Variants in RAG2 observed in about 807,000 individuals in gnomAD.
RAG2 encodes V(D)J recombination-activating protein 2.
RAG2 carries 16 observed loss-of-function variants against 31.8 expected under a neutral mutation model. The ratio of observed to expected loss-of-function variants is 0.50; its 90% confidence interval spans 0.34 to 0.76. RAG2 has a LOEUF of 0.76. Among genes scored for constraint, RAG2 ranks in the 30% least tolerant of loss-of-function variants. The pLI is 0.01. For synonymous variants in RAG2, 199 were observed against 215.9 expected, an observed-to-expected ratio of 0.92 and a Z score of 0.68; for missense variants, 622 against 628.5, an observed-to-expected ratio of 0.99 and a Z score of 0.11.
In RAG2 at chr11:36,592,812, A is replaced by T. The variant is rs1564995627; in HGVS notation, c.1357T>A (p.Trp453Arg). 2.5e-6 allele frequency: 4 copies of T among 1,614,148 alleles called. No homozygotes were observed. Among genetic ancestry groups the T allele is most frequent in the Non-Finnish European group, 3.4e-6 (4 of 1,180,024 alleles). ...AGATCCATGCACTGAGCATGGACCC[A>T]GTGCCCATCCCCATGAGAGCAGTAG... The part of the protein sequence containing the change: ...MIYCSHGDGH[W>R]VHAQCMDLAE... The change falls in exon 2 of 2, where the codon TGG becomes AGG. Residue 453 changes from tryptophan to arginine, a missense_variant. Coordinates refer to ENST00000311485, the MANE Select transcript of RAG2 (RefSeq NM_000536.4).
At chr11:36,591,197 A>C (rs932638563), downstream of RAG2, among the ~76,000 whole-genome samples, 26 of 152,222 alleles carry the variant, frequency 1.7e-4, no homozygotes, top group Admixed American at 6.5e-5. Flanking sequence ...AACAGAGTGA[A>C]TATGATTCAG....
At chr11:36,594,417 C>T (rs751877215) in intron 1 of RAG2, 288 of 539,270 alleles carry the variant, frequency 5.3e-4, no homozygotes, top group Non-Finnish European at 8.0e-4. Context: ...CTATATGCTC[C>T]CTAGGATTTC....
intron 1 of RAG2, among the ~76,000 whole-genome samples, chr11:36,595,714 A>G (rs1354622985): frequency 1.3e-5 from 2 of 152,280 alleles, no homozygotes; most frequent in Admixed American, 6.5e-5. Flanking sequence ...ATAGTTGAAT[A>G]TACGTAAAGT....
chr11:36,592,717 T>C lies in RAG2; in HGVS notation c.1452A>G (p.Ile484Met). Residue 484 changes from isoleucine to methionine, a missense_variant, in exon 2 of 2, where the codon ATA becomes ATG. By Grantham distance (10) the Ile-to-Met change is conservative (BLOSUM62 1). Coordinates refer to ENST00000311485, the MANE Select transcript of RAG2 (RefSeq NM_000536.4). ...NKYYCNEHVE[I>M]ARALHTPQRV... is the part of the protein sequence containing the mutation. The stretch of plus-strand genomic sequence containing the variant: ...TTTGGGGAGTGTGTAGAGCTCTTGC[T>C]ATCTCCACATGCTCATTGCAGTAAT... 1 of 1,609,590 alleles carries C rather than the reference T, an allele frequency of 6.2e-7. No homozygotes were observed. Among genetic ancestry groups the C allele is most frequent in the Non-Finnish European group, 8.5e-7 (1 of 1,178,094 alleles).
intron 1 of RAG2, among the ~76,000 whole-genome samples, chr11:36,597,365 AG>A (rs1427433945): frequency 6.6e-6 from 1 of 152,224 alleles, no homozygotes; most frequent in Non-Finnish European, 1.5e-5. Flanking sequence ...TCCTTTTAAT[AG>A]GCTACATAAA....
rs1040029823 is a variant in RAG2 at position 36,592,850 on chromosome 11, T to C, written c.1319A>G (p.Lys440Arg). 1.2e-6 allele frequency: 2 copies of C among 1,613,972 alleles called. No homozygotes were observed. The highest frequency in any genetic ancestry group is 1.7e-6 in the Non-Finnish European group (2 of 1,180,026). ...ATGAGAGCAGTAGATCATGGCGGGT[T>C]TGTTGAGCTCAGTTGAATAGAATGG... ...WVPFYSTELNKPAMIYCSHGD... is the reference protein window; with the variant it reads ...WVPFYSTELNRPAMIYCSHGD... The change falls in exon 2 of 2, where the codon AAA becomes AGA. Residue 440 changes from lysine to arginine, a missense_variant. Transcript: ENST00000311485.
chr11:36,596,581 C>G (rs375644254), intron 1 of RAG2, among the ~76,000 whole-genome samples: 16 of 152,090 alleles, frequency 1.1e-4, no homozygotes, highest in African/African-American at 3.4e-4. Context: ...CATTATTGAC[C>G]CTCACTTCAG....
chr11:36,593,561 C>A lies in RAG2; in HGVS notation c.608G>T (p.Gly203Val). 6.2e-7 allele frequency: 1 copy of A among 1,614,100 alleles called. No homozygotes were observed. The highest frequency in any genetic ancestry group is 8.5e-7 in the Non-Finnish European group (1 of 1,180,016). Residue 203 changes from glycine to valine, a missense_variant, in exon 2 of 2, where the codon GGG (glycine) becomes GTG (valine). Gly to Val is a moderately radical substitution (Grantham distance 109). Transcript: ENST00000311485. ...TSYILPELQD[G>V]LSFHVSIAKN... ...GGCAATAGAGACATGAAAAGATAGC[C>A]CATCCTGAAGTTCTGGAAGAATGTA...
Position 36,594,410 on chromosome 11 carries a change from T to C in RAG2, c.-27-215A>G, listed in dbSNP as rs144684962. Reference sequence around the variant, plus strand: ...TGGGACATGTTTTAGCCACGGACTATATGCTCCCTAGGATTTCTGGGAATT... The same window carrying C: ...TGGGACATGTTTTAGCCACGGACTACATGCTCCCTAGGATTTCTGGGAATT... On this transcript the variant is annotated intron_variant, in intron 1 of 1. Transcript: ENST00000311485. The C allele has an allele frequency of 2.9e-4, 160 of 560,966 alleles. 1 individual carries two copies. In the East Asian group the frequency reaches 4.4e-3, roughly 15 times the overall value. 34.7% of individuals were successfully genotyped at this position (560,966 alleles called of 1,614,324 possible). A position where few individuals can be genotyped will look rare whatever the true frequency, so the allele number is the denominator to read the frequency against.
intron 1 of RAG2, among the ~76,000 whole-genome samples, chr11:36,596,222 G>GTTTTTTT (rs67282079): frequency 3.4e-5 from 4 of 118,368 alleles, no homozygotes; most frequent in African/African-American, 1.2e-4. Context: ...TTTTTTTTTT[G>GTTTTTTT]TTTTTTTTTT....
Position 36,593,451 on chromosome 11 carries a change from G to T in RAG2, c.718C>A (p.Leu240Ile), listed in dbSNP as rs374781438. The change falls in exon 2 of 2, where the codon CTT becomes ATT. Residue 240 changes from leucine (L) to isoleucine (I), a missense_variant. Leu to Ile is a conservative substitution (Grantham distance 5). Transcript: ENST00000311485. Reference sequence around the variant, plus strand: ...TTCACAGCTGGGCTACCCAGGGGAAGATCAACCCTTATTCTGTACAGGTTG... The same window carrying T: ...TTCACAGCTGGGCTACCCAGGGGAATATCAACCCTTATTCTGTACAGGTTG... ...PANLYRIRVD[L>I]PLGSPAVNCT... 1.2e-6 allele frequency: 2 copies of T among 1,613,996 alleles called. No individual in the cohort carries two copies. The highest frequency in any genetic ancestry group is 1.1e-5 in the South Asian group (1 of 91,080).
chr11:36,591,950 A>G lies in RAG2; in HGVS notation c.*635T>C, dbSNP rs1851027829. 1 of 152,288 alleles carries G rather than the reference A, an allele frequency of 6.6e-6. No homozygotes were observed. Among genetic ancestry groups the G allele is most frequent in the Non-Finnish European group, 1.5e-5 (1 of 68,108 alleles). The allele number at this position is 152,288 out of a possible 1,614,324, so 9.4% of individuals were successfully genotyped here. A position where few individuals can be genotyped will look rare whatever the true frequency, so the allele number is the denominator to read the frequency against. On this transcript the variant is annotated 3_prime_UTR_variant, in exon 2 of 2. Transcript: ENST00000311485. ...CAGGAAAACATGTCAAACTTGATGT[A>G]GATTATTTATTTCTTCTTTTGTGTC...
chr11:36,594,194 G>A lies in RAG2; in HGVS notation c.-26C>T, dbSNP rs1851111014. 1 of 1,521,540 alleles carries A rather than the reference G, an allele frequency of 6.6e-7. No homozygotes were observed. The allele number at this position is 1,521,540 out of a possible 1,614,324, so 94.3% of individuals were successfully genotyped here. On this transcript the variant is annotated splice_region_variant and 5_prime_UTR_variant, in exon 2 of 2. Coordinates refer to ENST00000311485, the MANE Select transcript of RAG2 (RefSeq NM_000536.4). ...AGTTTCTGATGGTACGTAGATTTTT[G>A]TCTGAAAGAATTATAAAATAAAATG...
In RAG2 at chr11:36,593,196, C is replaced by T; in HGVS notation, c.973G>A (p.Gly325Arg). 1 of 1,614,168 alleles carries T rather than the reference C, an allele frequency of 6.2e-7. No individual in the cohort carries two copies. Among genetic ancestry groups the T allele is most frequent in the Non-Finnish European group, 8.5e-7 (1 of 1,180,032 alleles). ...CCTGGTATGCCAAGAAAAACAGTTC[C>T]ATTTCCCATGTTGCTTCCAAACCAT... The part of the protein sequence containing the change: ...KIWFGSNMGN[G>R]TVFLGIPGDN... Residue 325 changes from glycine to arginine, a missense_variant, in exon 2 of 2, where the codon GGA becomes AGA. Coordinates refer to ENST00000311485, the MANE Select transcript of RAG2 (RefSeq NM_000536.4).
chr11:36,595,942 G>A (rs891829014), intron 1 of RAG2, among the ~76,000 whole-genome samples: 1 of 151,572 alleles, frequency 6.6e-6, no homozygotes, highest in Middle Eastern at 3.4e-3. Context: ...TGAGGGTGCT[G>A]GTAGTAGTTA....
At position 36,593,126 on chromosome 11, in the gene RAG2, A is replaced by G; in HGVS notation, c.1043T>C (p.Leu348Ser). Residue 348 changes from leucine (L) to serine (S), a missense_variant, in exon 2 of 2, where the codon TTG (leucine) becomes TCG (serine). Coordinates refer to ENST00000311485, the MANE Select transcript of RAG2 (RefSeq NM_000536.4). ...ATTAGTATCATCTTCAGCACATTTC[A>G]ACATATAGAAATAGAATCCTTCTGA... Reference protein sequence around the residue: ...VVSEGFYFYMLKCAEDDTNEE... With the variant: ...VVSEGFYFYMSKCAEDDTNEE... 3.1e-6 allele frequency: 5 copies of G among 1,614,104 alleles called. No homozygotes were observed. Among genetic ancestry groups the G allele is most frequent in the Non-Finnish European group, 4.2e-6 (5 of 1,179,992 alleles).
At position 36,592,744 on chromosome 11, in the gene RAG2, C is replaced by T; in HGVS notation, c.1425G>A (p.Lys475=). 6.2e-7 allele frequency: 1 copy of T among 1,614,080 alleles called. No homozygotes were observed. The change falls in exon 2 of 2, where the codon AAG becomes AAA. Residue 475 remains lysine, a synonymous_variant. Transcript: ENST00000311485. ...TCTCCACATGCTCATTGCAGTAATA[C>T]TTGTTGCTTCCTGCTGACAGATGGA... is the stretch of plus-strand genomic sequence containing the variant. ...TLIHLSAGSN[K]YYCNEHVEIA... is the part of the protein sequence containing the mutation.
chr11:36,595,156 C>T (rs1227573428), intron 1 of RAG2: 1 of 152,136 alleles, frequency 6.6e-6, no homozygotes, highest in Non-Finnish European at 1.5e-5. Context: ...TTTAGGGAAG[C>T]AGAGAAGGTT....
At chr11:36,596,211 GT>G (rs1243664769) in intron 1 of RAG2, among the ~76,000 whole-genome samples, 10 of 101,140 alleles carry the variant, frequency 9.9e-5, no homozygotes, top group East Asian at 3.7e-4. Flanking sequence ...AGATGGTAGT[GT>G]TTTTTTTTTG....
Sources: gnomAD v4.1 joint callset for allele counts (sites outside exome capture counted in the v4.1 genomes callset) on GRCh38, gnomAD v4.1.1 for gene constraint, MANE v1.5 for transcripts, NCBI Gene and HGNC (gene_info 2026-07-23, HGNC 2026-07-21) for gene names.